The following RBFOX1 variants were observed in gnomAD, a reference collection of about 807,000 sequenced individuals.
RBFOX1 encodes the protein RNA binding fox-1 homolog 1.
Under a neutral mutation model 57.7 loss-of-function variants are expected in RBFOX1, and 8 were observed. That is an observed-to-expected ratio of 0.14 (90% CI 0.08 to 0.25). RBFOX1 has a LOEUF of 0.25. Among genes scored for constraint, RBFOX1 ranks in the 10% least tolerant of loss-of-function variants. RBFOX1 has a pLI of 1.00. For missense variants in RBFOX1, 611 were observed against 548.5 expected (o/e 1.11, Z -1.14); for synonymous variants, 326 against 222.4 (o/e 1.47, Z -4.15).
intron 3 of RBFOX1, among the ~76,000 whole-genome samples, chr16:5,735,839 G>A (rs914432968): frequency 2.6e-5 from 4 of 152,096 alleles, no homozygotes; most frequent in Non-Finnish European, 5.9e-5. Flanking sequence ...TGGCACCACT[G>A]CACTCCAGCC....
chr16:5,267,137 C>A (rs1311034113), intron 1 of RBFOX1, among the ~76,000 whole-genome samples: 1 of 151,982 alleles, frequency 6.6e-6, no homozygotes, highest in African/African-American at 2.4e-5. Flanking sequence ...ATGAAGCCTC[C>A]TTCTGAGGAC....
At chr16:6,172,922 G>A (rs1163292101) in intron 1 of RBFOX1, among the ~76,000 whole-genome samples, 3 of 152,132 alleles carry the variant, frequency 2.0e-5, no homozygotes, top group East Asian at 3.9e-4. Context: ...GGCTGATGTG[G>A]AGAATCTTAG....
At chr16:5,952,102 C>G (rs565307018) in intron 4 of RBFOX1, among the ~76,000 whole-genome samples, 1 of 148,140 alleles carries the variant, frequency 6.8e-6, no homozygotes, top group African/African-American at 2.5e-5. Context: ...TATATATATA[C>G]ACACATATAT....
At position 5,289,489 on chromosome 16, in the gene RBFOX1, G is replaced by A. The variant is rs113966808; in HGVS notation, c.219+49384G>A. On this transcript the variant is annotated intron_variant, in intron 1 of 2. Transcript: ENST00000585867. ...AAAGAAAGCAAAGTATTTTGTTAATGTTAAAATATTTTATACATGTAGACC... is the reference window on the plus strand; with the variant it reads ...AAAGAAAGCAAAGTATTTTGTTAATATTAAAATATTTTATACATGTAGACC... 1,664 of 203,374 alleles carry A rather than the reference G, an allele frequency of 8.2e-3. 24 individuals are homozygous for A. The highest frequency in any genetic ancestry group is 0.037 in the African/African-American group (1,589 of 43,124). The allele number at this position is 203,374 out of a possible 1,614,324, so 12.6% of individuals were successfully genotyped here. A position where few individuals can be genotyped will look rare whatever the true frequency, so the allele number is the denominator to read the frequency against.
chr16:6,847,898 C>G (rs2141828926), intron 3 of RBFOX1, among the ~76,000 whole-genome samples: 1 of 152,144 alleles, frequency 6.6e-6, no homozygotes, highest in South Asian at 2.1e-4. Flanking sequence ...AGAGTACTGG[C>G]ACAATCTTGG....
chr16:7,501,200 C>A (rs1456532428), intron 4 of RBFOX1, among the ~76,000 whole-genome samples: 1 of 152,162 alleles, frequency 6.6e-6, no homozygotes, highest in African/African-American at 2.4e-5. Flanking sequence ...GATCATTTGT[C>A]CTATTTACCT....
At chr16:6,662,614 C>T (rs1008655029) in intron 3 of RBFOX1, among the ~76,000 whole-genome samples, 10 of 151,852 alleles carry the variant, frequency 6.6e-5, no homozygotes, top group African/African-American at 2.4e-4. Context: ...ATTTCTCAGA[C>T]CTTGAGACTA....
At chr16:6,082,347 ATTTTTTTTTTTTT>A (rs71142677) in intron 1 of RBFOX1, among the ~76,000 whole-genome samples, 8 of 41,024 alleles carry the variant, frequency 2.0e-4, no homozygotes, top group Admixed American at 9.3e-4. Flanking sequence ...CACCTGGCTA[ATTTTTTTTTTTTT>A]TTTTTTTTTT....
intron 4 of RBFOX1, among the ~76,000 whole-genome samples, chr16:7,094,019 A>G (rs1467881738): frequency 6.6e-6 from 1 of 151,122 alleles, no homozygotes; most frequent in Non-Finnish European, 1.5e-5. Flanking sequence ...TTGTGTTTTA[A>G]ACATAGTAAT....
chr16:6,341,124 T>C (rs1294778614), intron 2 of RBFOX1, among the ~76,000 whole-genome samples: 1 of 152,190 alleles, frequency 6.6e-6, no homozygotes, highest in Non-Finnish European at 1.5e-5. Context: ...GTCTTACAGT[T>C]CTGGAAGTTA....
intron 4 of RBFOX1, among the ~76,000 whole-genome samples, chr16:7,403,803 C>T (rs375255913): frequency 6.6e-6 from 1 of 152,068 alleles, no homozygotes; most frequent in South Asian, 2.1e-4. Flanking sequence ...ACCTCAGCCT[C>T]CCAAAGTGCT....
chr16:7,102,180 G>C (rs970395870), intron 4 of RBFOX1, among the ~76,000 whole-genome samples: 5 of 152,192 alleles, frequency 3.3e-5, no homozygotes, highest in African/African-American at 1.2e-4. Flanking sequence ...TCGGATTCCA[G>C]TTAAGCCACT....
intron 4 of RBFOX1, among the ~76,000 whole-genome samples, chr16:7,173,095 A>G (rs1306857379): frequency 6.6e-6 from 1 of 152,230 alleles, no homozygotes; most frequent in East Asian, 1.9e-4. Flanking sequence ...AAGAAAGACT[A>G]GGGTTTAGTA....
chr16:5,683,921 C>G (rs2050424487), intron 3 of RBFOX1, among the ~76,000 whole-genome samples: 1 of 151,774 alleles, frequency 6.6e-6, no homozygotes, highest in East Asian at 1.9e-4. Flanking sequence ...CCAATATGAG[C>G]TTGAGTGCCT....
chr16:5,645,581 A>C (rs1423595399), intron 3 of RBFOX1, among the ~76,000 whole-genome samples: 1 of 152,258 alleles, frequency 6.6e-6, no homozygotes, highest in Non-Finnish European at 1.5e-5. Flanking sequence ...CTTCAATTAA[A>C]AAGAGTCTCA....
At chr16:6,406,362 C>T (rs910398949) in intron 2 of RBFOX1, among the ~76,000 whole-genome samples, 3 of 151,946 alleles carry the variant, frequency 2.0e-5, no homozygotes, top group Admixed American at 6.6e-5. Context: ...TTAGACATGC[C>T]CAGAAACCTG....
intron 4 of RBFOX1, among the ~76,000 whole-genome samples, chr16:7,380,599 C>G (rs944794975): frequency 6.6e-6 from 1 of 152,190 alleles, no homozygotes; most frequent in Non-Finnish European, 1.5e-5. Context: ...AACCAGTTTC[C>G]AAACTCTGGT....
chr16:6,814,175 A>G (rs2089490351), intron 3 of RBFOX1, among the ~76,000 whole-genome samples: 1 of 150,088 alleles, frequency 6.7e-6, no homozygotes, highest in African/African-American at 2.4e-5. Flanking sequence ...ATATTCTGAG[A>G]TCTCATTGCA....
At chr16:5,513,362 C>T (rs1029761382) in intron 2 of RBFOX1, among the ~76,000 whole-genome samples, 3 of 152,140 alleles carry the variant, frequency 2.0e-5, no homozygotes, top group African/African-American at 7.2e-5. Context: ...AGATAAAGTG[C>T]CCCTTTAATC....
Sources: gnomAD v4.1 joint callset for allele counts (sites outside exome capture counted in the v4.1 genomes callset) on GRCh38, gnomAD v4.1.1 for gene constraint, MANE v1.5 for transcripts, NCBI Gene and HGNC (gene_info 2026-07-23, HGNC 2026-07-21) for gene names.